The following SGPL1 variants were observed in gnomAD, a reference collection of about 807,000 sequenced individuals.
SGPL1 encodes sphingosine-1-phosphate lyase 1, also known as SP-lyase 1.
In SGPL1, 37 loss-of-function variants were observed where a neutral mutation model predicts 68.9. The observed-to-expected ratio is 0.54, with a 90% CI of 0.41 to 0.71. The LOEUF (loss-of-function observed/expected upper bound fraction) is 0.71, where lower values mean the gene tolerates loss of function less well. Ranked by LOEUF, SGPL1 falls within the 30% of genes least tolerant of loss-of-function variation. The pLI, the probability that SGPL1 is intolerant of heterozygous loss-of-function variation, is 0.00. For missense variants in SGPL1, 551 were observed against 704.6 expected, an observed-to-expected ratio of 0.78 and a Z score of 2.47; for synonymous variants, 236 against 248.5, an observed-to-expected ratio of 0.95 and a Z score of 0.47.
At chr10:70,859,295 T>C (rs2131912475) in intron 6 of SGPL1, 76 bp from the exon 7 acceptor site, 1 of 1,118,694 alleles carries the variant, frequency 8.9e-7, no homozygotes, top group Non-Finnish European at 1.2e-6. Flanking sequence ...ACTTAGAAAC[T>C]GTTGTTTAGT....
chr10:70,821,858 C>G (rs1845344665), intron 2 of SGPL1, among the ~76,000 whole-genome samples: 1 of 152,156 alleles, frequency 6.6e-6, no homozygotes, highest in African/African-American at 2.4e-5. Flanking sequence ...TGGGTCAAGC[C>G]TTGCTGCTCA....
At chr10:70,835,047 G>T (rs944421569) in intron 2 of SGPL1, among the ~76,000 whole-genome samples, 7 of 152,150 alleles carry the variant, frequency 4.6e-5, no homozygotes. Flanking sequence ...TCAACCCACT[G>T]CCACTGTGTC....
intron 7 of SGPL1, chr10:70,866,321 A>T (rs978733106): frequency 1.3e-5 from 2 of 151,970 alleles, no homozygotes; most frequent in African/African-American, 4.8e-5. Context: ...TGGGAGGTGG[A>T]GATTGCAGTG....
chr10:70,843,947 A>G (rs941208833), intron 2 of SGPL1, among the ~76,000 whole-genome samples: 10 of 152,238 alleles, frequency 6.6e-5, no homozygotes, highest in African/African-American at 2.4e-4. Flanking sequence ...CTTTGTTTAC[A>G]CAATAACTGA....
chr10:70,837,434 G>T (rs1845643487), intron 2 of SGPL1, among the ~76,000 whole-genome samples: 1 of 152,110 alleles, frequency 6.6e-6, no homozygotes, highest in Admixed American at 6.5e-5. Flanking sequence ...ATGTTGTCTT[G>T]GCCTCTTTTT....
chr10:70,852,982 G>A (rs977784431), intron 4 of SGPL1, among the ~76,000 whole-genome samples: 5 of 152,196 alleles, frequency 3.3e-5, no homozygotes, highest in African/African-American at 1.2e-4. Context: ...AGGCTTTGAG[G>A]CAAGAATTGG....
Position 70,879,724 on chromosome 10 carries a change from G to A in SGPL1, c.*2389G>A, listed in dbSNP as rs1473466657. 1 of 152,592 alleles carries A rather than the reference G, an allele frequency of 6.6e-6. No individual in the cohort carries two copies. Among genetic ancestry groups the A allele is most frequent in the African/African-American group, 2.4e-5 (1 of 41,438 alleles). 9.5% of individuals were successfully genotyped at this position (152,592 alleles called of 1,614,324 possible). Reference sequence around the variant, plus strand: ...ATGGTGTTTTTCAAAGGGACCTACTGTAGCCACTTTAATTTACAATTAAGA... The same window carrying A: ...ATGGTGTTTTTCAAAGGGACCTACTATAGCCACTTTAATTTACAATTAAGA... On this transcript the variant is annotated 3_prime_UTR_variant, in exon 15 of 15. Coordinates refer to ENST00000373202, the MANE Select transcript of SGPL1 (RefSeq NM_003901.4).
rs1564633520 is a variant in SGPL1, at chr10:70,877,225, G to T, written c.1597G>T (p.Val533Phe). ...CATCTATGGCATGGCCCAGACAACT[G>T]TTGACAGGAATATGGTTGCAGAATT... ...GAIYGMAQTT[V>F]DRNMVAELSS... The change falls in exon 15 of 15, where the codon GTT becomes TTT. Residue 533 changes from valine to phenylalanine, a missense_variant. Coordinates refer to ENST00000373202, the MANE Select transcript of SGPL1 (RefSeq NM_003901.4). 6.2e-7 allele frequency: 1 copy of T among 1,614,212 alleles called. No individual in the cohort carries two copies. Among genetic ancestry groups the T allele is most frequent in the South Asian group, 1.1e-5 (1 of 91,086 alleles).
intron 2 of SGPL1, among the ~76,000 whole-genome samples, chr10:70,825,605 T>G (rs1845419337): frequency 6.6e-6 from 1 of 152,158 alleles, no homozygotes; most frequent in Admixed American, 6.5e-5. Flanking sequence ...CCAAAGCTGC[T>G]TTGTTCCAGT....
chr10:70,863,587 G>A (rs551808379), intron 7 of SGPL1, among the ~76,000 whole-genome samples: 1 of 152,210 alleles, frequency 6.6e-6, no homozygotes, highest in Admixed American at 6.5e-5. Context: ...TTCTTCCAGA[G>A]AAGATTTGTC....
intron 2 of SGPL1, among the ~76,000 whole-genome samples, chr10:70,824,437 A>G (rs566919076): frequency 1.3e-5 from 2 of 152,360 alleles, no homozygotes; most frequent in East Asian, 3.9e-4. Context: ...TTTCAACAAA[A>G]TAATAAGTCA....
intron 2 of SGPL1, among the ~76,000 whole-genome samples, chr10:70,834,066 C>T (rs1845587633): frequency 6.6e-6 from 1 of 152,044 alleles, no homozygotes; most frequent in African/African-American, 2.4e-5. Context: ...GCGTGAATAC[C>T]GGGTAGCCAT....
At chr10:70,844,409 A>T in intron 2 of SGPL1, 64 bp from the exon 3 acceptor site, 3 of 1,470,458 alleles carry the variant, frequency 2.0e-6, no homozygotes, top group Non-Finnish European at 2.8e-6. Flanking sequence ...TGAAGTACAA[A>T]CTAAGAACAG....
chr10:70,859,566 A>G (rs534662102), intron 7 of SGPL1, 67 bp downstream of exon 7: 33 of 768,350 alleles, frequency 4.3e-5, no homozygotes, highest in Middle Eastern at 9.9e-4. Flanking sequence ...TTTTTAATAA[A>G]TATTAATTAT....
intron 7 of SGPL1, among the ~76,000 whole-genome samples, chr10:70,864,692 T>C (rs1008947619): frequency 1.3e-5 from 2 of 152,204 alleles, no homozygotes; most frequent in African/African-American, 4.8e-5. Flanking sequence ...TGCTACATAC[T>C]ACCTTTTCCC....
chr10:70,857,739 C>T, intron 6 of SGPL1, 49 bp downstream of exon 6: 1 of 1,216,034 alleles, frequency 8.2e-7, no homozygotes, highest in Non-Finnish European at 1.2e-6. Flanking sequence ...TGCCAGTTTA[C>T]ATGACCTCCT....
At chr10:70,837,625 A>G (rs1465114847) in intron 2 of SGPL1, among the ~76,000 whole-genome samples, 2 of 152,230 alleles carry the variant, frequency 1.3e-5, no homozygotes, top group African/African-American at 4.8e-5. Context: ...AGCAGTAAGC[A>G]TACGTATAGC....
intron 2 of SGPL1, among the ~76,000 whole-genome samples, chr10:70,818,124 G>GTTTTA (rs1197048671): frequency 6.6e-6 from 1 of 152,100 alleles, no homozygotes; most frequent in East Asian, 1.9e-4. Context: ...GTTTTGTTTT[G>GTTTTA]TTTGTTTGTT....
At chr10:70,865,260 C>T (rs1432892408) in intron 7 of SGPL1, among the ~76,000 whole-genome samples, 3 of 148,660 alleles carry the variant, frequency 2.0e-5, no homozygotes, top group South Asian at 2.1e-4. Context: ...CCTAGATTAT[C>T]TCTCTTTCCT....
Sources: allele counts gnomAD v4.1 joint callset (sites outside exome capture counted in the v4.1 genomes callset), GRCh38; gene constraint gnomAD v4.1.1; transcripts MANE v1.5; gene names NCBI Gene and HGNC (gene_info 2026-07-23, HGNC 2026-07-21).